The following SHISA6 variants were observed in gnomAD, a reference collection of about 807,000 sequenced individuals.
The protein encoded by SHISA6 is shisa family member 6, also known as protein shisa-6.
SHISA6 carries 22 observed loss-of-function variants against 47.9 expected under a neutral mutation model. That is an observed-to-expected ratio of 0.46 (90% confidence interval 0.33 to 0.66). The LOEUF (loss-of-function observed/expected upper bound fraction) is 0.66, where lower values mean the gene tolerates loss of function less well. Among genes scored for constraint, SHISA6 ranks in the 30% least tolerant of loss-of-function variants. The probability of loss-of-function intolerance (pLI) is 0.02; values close to 1 mark genes in which losing one functional copy is unlikely to be tolerated. For synonymous variants in SHISA6, 388 were observed against 337.8 expected, an observed-to-expected ratio of 1.15 and a Z score of -1.63; for missense variants, 680 against 764.6, an observed-to-expected ratio of 0.89 and a Z score of 1.30.
At chr17:11,296,804 A>T (rs1048654137) in intron 2 of SHISA6, among the ~76,000 whole-genome samples, 13 of 152,054 alleles carry the variant, frequency 8.5e-5, no homozygotes, top group African/African-American at 2.9e-4. Context: ...CCCAGGTAGG[A>T]GCTGATCAGA....
At chr17:11,469,584 C>CG (rs1915889680) in intron 3 of SHISA6, among the ~76,000 whole-genome samples, 1 of 152,068 alleles carries the variant, frequency 6.6e-6, no homozygotes, top group South Asian at 2.1e-4. Flanking sequence ...CAGGGGTTGG[C>CG]GGGGGTTCCT....
Position 11,241,516 on chromosome 17 carries a change from A to C in SHISA6, c.94A>C (p.Asn32His). The C allele has an allele frequency of 1.1e-5, 13 of 1,137,916 alleles. No individual in the cohort carries two copies. The highest frequency in any genetic ancestry group is 1.4e-5 in the Non-Finnish European group (13 of 924,578). 70.5% of individuals were successfully genotyped at this position (1,137,916 alleles called of 1,614,324 possible). ...CCACGGAGCCCGCGGCCGCGCCGCC[A>C]ACCGGACCCTGAGTGCAGGCGGCGC... The part of the protein sequence containing the change: ...SVHGARGRAA[N>H]RTLSAGGAAV... Residue 32 changes from asparagine (N) to histidine (H), a missense_variant, in exon 1 of 6, where the codon AAC (asparagine) becomes CAC (histidine). By Grantham distance (68) the Asn-to-His change is moderately conservative. Coordinates refer to ENST00000441885, the MANE Select transcript of SHISA6 (RefSeq NM_207386.4). The surrounding 1 kb of genome is among the most constrained non-coding windows in gnomAD (Gnocchi z 5.5).
chr17:11,279,062 C>A (rs1347933612), intron 2 of SHISA6, among the ~76,000 whole-genome samples: 1 of 152,130 alleles, frequency 6.6e-6, no homozygotes, highest in African/African-American at 2.4e-5. Flanking sequence ...CTGTGGAGCC[C>A]TCCTGAGTGG....
intron 3 of SHISA6, among the ~76,000 whole-genome samples, chr17:11,470,593 T>C (rs1225182706): frequency 6.6e-6 from 1 of 151,626 alleles, no homozygotes; most frequent in Non-Finnish European, 1.5e-5. Flanking sequence ...CAAGCAGGCC[T>C]CCCGTCCTCA....
intron 3 of SHISA6, among the ~76,000 whole-genome samples, chr17:11,449,668 C>T (rs1915331157): frequency 6.6e-6 from 1 of 152,146 alleles, no homozygotes; most frequent in Non-Finnish European, 1.5e-5. Context: ...GCACCACAAA[C>T]TTGGTGGCTT....
At chr17:11,385,304 G>A (rs1365758709) in intron 3 of SHISA6, among the ~76,000 whole-genome samples, 4 of 152,140 alleles carry the variant, frequency 2.6e-5, no homozygotes, top group Non-Finnish European at 5.9e-5. Flanking sequence ...CCTGGCTTGT[G>A]TGGGGCGCAG....
At chr17:11,422,322 G>A (rs982437231) in intron 3 of SHISA6, among the ~76,000 whole-genome samples, 3 of 152,160 alleles carry the variant, frequency 2.0e-5, no homozygotes, top group Non-Finnish European at 4.4e-5. Flanking sequence ...TGCACAGGGA[G>A]GTGCAAGACC....
chr17:11,557,439 C>A (rs1269377896), intron 5 of SHISA6, among the ~76,000 whole-genome samples: 1 of 152,144 alleles, frequency 6.6e-6, no homozygotes. Flanking sequence ...TAACATATCC[C>A]TACTCAAGGT....
Position 11,465,320 on chromosome 17 carries a change from T to G in SHISA6, c.895+85811T>G, listed in dbSNP as rs962315172. On this transcript the variant is annotated intron_variant, in intron 3 of 5. Coordinates refer to ENST00000441885, the MANE Select transcript of SHISA6 (RefSeq NM_207386.4). ...AATTATTTTAATATGCTCATGCCTC[T>G]CGTATGCAGCCTTGCATTGCTACTG... Among the ~76,000 whole-genome samples, 7 of 152,320 alleles carry G rather than the reference T, an allele frequency of 4.6e-5. 1 individual carries two copies. Among genetic ancestry groups the G allele is most frequent in the Admixed American group, 2.6e-4 (4 of 15,294 alleles).
chr17:11,267,162 A>G (rs1908455474), intron 2 of SHISA6, among the ~76,000 whole-genome samples: 1 of 152,184 alleles, frequency 6.6e-6, no homozygotes, highest in Non-Finnish European at 1.5e-5. Context: ...CCAACTTTAA[A>G]GATTGCCCCA....
intron 2 of SHISA6, among the ~76,000 whole-genome samples, chr17:11,330,408 G>T (rs566048658): frequency 2.0e-4 from 31 of 151,966 alleles, no homozygotes; most frequent in Non-Finnish European, 1.8e-4. Flanking sequence ...GGAAAGGGTA[G>T]AACTGACATC....
At chr17:11,416,289 A>C (rs564347012) in intron 3 of SHISA6, among the ~76,000 whole-genome samples, 1 of 152,314 alleles carries the variant, frequency 6.6e-6, no homozygotes, top group East Asian at 1.9e-4. Flanking sequence ...TTAACATTTA[A>C]AGTATATTTG....
At chr17:11,296,612 A>AAG (rs1289029914) in intron 2 of SHISA6, among the ~76,000 whole-genome samples, 1 of 152,136 alleles carries the variant, frequency 6.6e-6, no homozygotes, top group Admixed American at 6.5e-5. Flanking sequence ...TTACCTATAG[A>AAG]GCCCAGGAGC....
intron 3 of SHISA6, among the ~76,000 whole-genome samples, chr17:11,520,698 C>T (rs953929865): frequency 1.4e-4 from 21 of 152,096 alleles, no homozygotes; most frequent in Non-Finnish European, 2.5e-4. Flanking sequence ...CTCTCTCGCT[C>T]CTCTAACCCA....
intron 3 of SHISA6, 175 bp downstream of exon 3, chr17:11,379,684 C>T: frequency 2.0e-6 from 1 of 493,648 alleles, no homozygotes; most frequent in Non-Finnish European, 3.6e-6. Flanking sequence ...CTGGAGGTCA[C>T]AGGTGTGACT....
chr17:11,309,792 C>G (rs1479958902), intron 2 of SHISA6, among the ~76,000 whole-genome samples: 1 of 152,200 alleles, frequency 6.6e-6, no homozygotes, highest in Non-Finnish European at 1.5e-5. Context: ...TAAGGTTCTT[C>G]CTGTACAGAG....
intron 3 of SHISA6, among the ~76,000 whole-genome samples, chr17:11,419,182 G>A (rs1161461249): frequency 6.6e-6 from 1 of 151,686 alleles, no homozygotes; most frequent in Admixed American, 6.6e-5. Context: ...AAACCTGCAT[G>A]TTGTGCACAT....
At chr17:11,396,617 C>T (rs566532915) in intron 3 of SHISA6, among the ~76,000 whole-genome samples, 2 of 152,242 alleles carry the variant, frequency 1.3e-5, no homozygotes, top group South Asian at 2.1e-4. Context: ...AGTGTAAAAG[C>T]GTTCCTCAAC....
chr17:11,410,191 G>T (rs998065093), intron 3 of SHISA6, among the ~76,000 whole-genome samples: 1 of 152,192 alleles, frequency 6.6e-6, no homozygotes, highest in Non-Finnish European at 1.5e-5. Flanking sequence ...TAAGACTAAA[G>T]CTAGAAGTAA....
Sources: gnomAD v4.1 joint callset for allele counts (sites outside exome capture counted in the v4.1 genomes callset) on GRCh38, gnomAD v4.1.1 for gene constraint, Gnocchi (gnomAD v3.1) non-coding constraint, MANE v1.5 for transcripts, NCBI Gene and HGNC (gene_info 2026-07-23, HGNC 2026-07-21) for gene names.